Variants in JARID2 observed in about 807,000 individuals in gnomAD.
The protein encoded by JARID2 is protein Jumonji.
A neutral mutation model predicts 125.6 loss-of-function variants in JARID2; 21 were observed. That is an observed-to-expected ratio of 0.17 (90% CI 0.12 to 0.24). The LOEUF (loss-of-function observed/expected upper bound fraction) is 0.24. Among genes scored for constraint, JARID2 ranks in the 10% least tolerant of loss-of-function variants. The pLI, the probability that JARID2 is intolerant of heterozygous loss-of-function variation, is 1.00. For synonymous variants in JARID2, 736 were observed against 661.6 expected, an observed-to-expected ratio of 1.11 and a Z score of -1.73; for missense variants, 1,303 against 1,639.6, an observed-to-expected ratio of 0.79 and a Z score of 3.55.
chr6:15,345,441 G>A (rs1030780199), intron 1 of JARID2, among the ~76,000 whole-genome samples: 1 of 152,104 alleles, frequency 6.6e-6, no homozygotes, highest in East Asian at 1.9e-4. Flanking sequence ...TCTGGAGCTC[G>A]AGCTTACTCA....
At chr6:15,472,549 AATTGTGAATG>A in intron 5 of JARID2, among the ~76,000 whole-genome samples, 1 of 152,226 alleles carries the variant, frequency 6.6e-6, no homozygotes, top group South Asian at 2.1e-4. Context: ...GTCGTATTTG[AATTGTGAATG>A]GGTTTTCTTT....
chr6:15,487,673 CAG>C (rs1292096912), intron 6 of JARID2, 131 bp downstream of exon 6: 1 of 791,190 alleles, frequency 1.3e-6, no homozygotes, highest in Non-Finnish European at 2.0e-6. Flanking sequence ...CAGGGACAGA[CAG>C]AGCGCACCTT....
chr6:15,295,067 T>G (rs1232479983), intron 1 of JARID2, among the ~76,000 whole-genome samples: 1 of 152,126 alleles, frequency 6.6e-6, no homozygotes, highest in Admixed American at 6.5e-5. Context: ...AACCATCTTA[T>G]TACTTCATGC....
At position 15,512,312 on chromosome 6, in the gene JARID2, G is replaced by T. The variant is rs766216128; in HGVS notation, c.3057G>T (p.Val1019=). ...TCCCGGGATCCTTTGTGTCCAAAGT[G>T]TGCTGTGGGTACAGCGTGTCTGAAA... is the stretch of plus-strand genomic sequence containing the variant. ...VCFPGSFVSK[V]CCGYSVSETV... is the part of the protein sequence containing the mutation. Residue 1019 remains valine (V), a synonymous_variant, in exon 14 of 18, where the codon GTG becomes GTT. Coordinates refer to ENST00000341776, the MANE Select transcript of JARID2 (RefSeq NM_004973.4). 1.9e-6 allele frequency: 3 copies of T among 1,614,162 alleles called. No homozygotes were observed. Among genetic ancestry groups the T allele is most frequent in the African/African-American group, 1.3e-5 (1 of 75,044 alleles).
At chr6:15,418,061 T>C (rs1483136535) in intron 3 of JARID2, among the ~76,000 whole-genome samples, 2 of 152,148 alleles carry the variant, frequency 1.3e-5, no homozygotes, top group African/African-American at 4.8e-5. Flanking sequence ...CTGCCGAGCT[T>C]GGTGCGACCT....
chr6:15,392,184 A>T (rs1446253727), intron 2 of JARID2, among the ~76,000 whole-genome samples: 1 of 152,078 alleles, frequency 6.6e-6, no homozygotes, highest in Admixed American at 6.6e-5. Context: ...CTGTCAAGCC[A>T]CGTTAAGGTG....
chr6:15,276,136 T>C (rs767965068), intron 1 of JARID2, among the ~76,000 whole-genome samples: 8 of 152,198 alleles, frequency 5.3e-5, no homozygotes, highest in Non-Finnish European at 1.0e-4. Flanking sequence ...AAATGGATGT[T>C]TCCTCCCTTC....
At chr6:15,489,673 TGTGCAGGATCTTAG>T (rs1376446263) in intron 6 of JARID2, among the ~76,000 whole-genome samples, 7 of 152,264 alleles carry the variant, frequency 4.6e-5, no homozygotes, top group Non-Finnish European at 8.8e-5. Context: ...ACCTGTTCCC[TGTGCAGGATCTTAG>T]GTGCAGGAAA....
chr6:15,465,788 CTGTTTGTT>C (rs549791539), intron 4 of JARID2, among the ~76,000 whole-genome samples: 246 of 147,606 alleles, frequency 1.7e-3, no homozygotes, highest in Middle Eastern at 6.8e-3. Context: ...TTTTTTGTTG[CTGTTTGTT>C]TGTTTGTTTG....
chr6:15,508,306 T>C, intron 11 of JARID2, 34 bp from the exon 12 acceptor site: 1 of 1,094,732 alleles, frequency 9.1e-7, no homozygotes, highest in Non-Finnish European at 1.4e-6. Flanking sequence ...TTGCCTAGCT[T>C]TTAAAAATGC....
intron 4 of JARID2, among the ~76,000 whole-genome samples, chr6:15,455,411 C>G (rs1458846024): frequency 6.6e-6 from 1 of 152,122 alleles, no homozygotes; most frequent in Admixed American, 6.5e-5. Flanking sequence ...TCAACATCCT[C>G]CTTCTGGGTG....
chr6:15,460,629 C>T (rs1157651095), intron 4 of JARID2, among the ~76,000 whole-genome samples: 2 of 152,226 alleles, frequency 1.3e-5, no homozygotes, highest in Non-Finnish European at 2.9e-5. Context: ...AGGAAGGCCT[C>T]ACATGATTCG....
At chr6:15,429,460 C>G (rs1008750708) in intron 3 of JARID2, among the ~76,000 whole-genome samples, 1 of 152,030 alleles carries the variant, frequency 6.6e-6, no homozygotes, top group East Asian at 1.9e-4. Context: ...GAGGTTGGGT[C>G]TCAGTGTGTT....
chr6:15,294,701 C>A (rs1016548632), intron 1 of JARID2, among the ~76,000 whole-genome samples: 1 of 152,096 alleles, frequency 6.6e-6, no homozygotes. Flanking sequence ...CTTGCTCTGT[C>A]GGGAGTCAAG....
intron 1 of JARID2, among the ~76,000 whole-genome samples, chr6:15,311,777 A>T (rs571845186): frequency 1.8e-4 from 27 of 151,710 alleles, no homozygotes; most frequent in South Asian, 6.3e-4. Flanking sequence ...TCCTTAAAAA[A>T]TTTTTTTCCT....
chr6:15,367,377 T>C (rs1312057864), intron 1 of JARID2, among the ~76,000 whole-genome samples: 1 of 152,234 alleles, frequency 6.6e-6, no homozygotes, highest in East Asian at 1.9e-4. Context: ...TTGCCAATTG[T>C]AGGCTAGTAA....
chr6:15,420,256 A>G (rs1053262670), intron 3 of JARID2, among the ~76,000 whole-genome samples: 1 of 152,164 alleles, frequency 6.6e-6, no homozygotes, highest in Non-Finnish European at 1.5e-5. Flanking sequence ...TACAAAAATT[A>G]GCTGGGCGTG....
chr6:15,512,042 G>T (rs528363084), intron 13 of JARID2, among the ~76,000 whole-genome samples, 166 bp from the exon 14 acceptor site: 17 of 152,358 alleles, frequency 1.1e-4, no homozygotes, highest in Non-Finnish European at 2.2e-4. Flanking sequence ...GACCAGTGCA[G>T]TTTAGAAGCT....
At chr6:15,286,913 C>T (rs905959184) in intron 1 of JARID2, among the ~76,000 whole-genome samples, 5 of 149,616 alleles carry the variant, frequency 3.3e-5, no homozygotes, top group Non-Finnish European at 1.5e-5. Context: ...AACAGCCATC[C>T]ATATTACAAC....
Sources: allele counts gnomAD v4.1 joint callset (sites outside exome capture counted in the v4.1 genomes callset), GRCh38; gene constraint gnomAD v4.1.1; transcripts MANE v1.5; gene names NCBI Gene and HGNC (gene_info 2026-07-23, HGNC 2026-07-21).